Variants in DOCK9 observed in about 807,000 individuals in gnomAD.
The protein encoded by DOCK9 is dedicator of cytokinesis protein 9.
A neutral mutation model predicts 263.3 loss-of-function variants in DOCK9; 89 were observed. The ratio of observed to expected loss-of-function variants is 0.34; its 90% CI spans 0.28 to 0.40. The LOEUF (loss-of-function observed/expected upper bound fraction) is 0.40. DOCK9 is among the 10% of genes least tolerant of loss of function. The pLI is 1.00. For missense variants in DOCK9, 2,140 were observed against 2,603.4 expected (o/e 0.82, Z 3.87); for synonymous variants, 976 against 973.1 (o/e 1.00, Z -0.06).
Position 98,863,478 on chromosome 13 carries a change from C to T in DOCK9, c.3357G>A (p.Arg1119=). 1 of 1,613,962 alleles carries T rather than the reference C, an allele frequency of 6.2e-7. No homozygotes were observed. The highest frequency in any genetic ancestry group is 1.3e-5 in the African/African-American group (1 of 75,038). ...ACTCCTGGAGGGCTGTCCCCACCTC[C>T]CTCAGTAACAGTCCCACCAAGAAGT... The part of the protein sequence containing the change: ...RNHFLVGLLL[R]EVGTALQEFR... Residue 1119 remains arginine, a synonymous_variant, in exon 31 of 53, where the codon AGG becomes AGA. Transcript: ENST00000682017.
intron 1 of DOCK9, among the ~76,000 whole-genome samples, chr13:99,051,207 G>A (rs1171944854): frequency 6.6e-6 from 1 of 152,226 alleles, no homozygotes; most frequent in African/African-American, 2.4e-5. Context: ...CCTCTGGCAT[G>A]TTCTTTGCCT....
Position 98,863,448 on chromosome 13 carries a change from C to T in DOCK9, c.3387G>A (p.Arg1129=). The change falls in exon 31 of 53, where the codon CGG becomes CGA. Residue 1129 remains arginine, a synonymous_variant. Transcript: ENST00000682017. ...REVGTALQEF[R]EVRLIAISVL... ...CACTGATGGCGATCAGACGGACCTC[C>T]CGGAACTCCTGGAGGGCTGTCCCCA... is the stretch of plus-strand genomic sequence containing the variant. 6.2e-7 allele frequency: 1 copy of T among 1,613,906 alleles called. No individual in the cohort carries two copies. The highest frequency in any genetic ancestry group is 8.5e-7 in the Non-Finnish European group (1 of 1,179,876).
chr13:98,828,188 C>T (rs2140873117), intron 43 of DOCK9, among the ~76,000 whole-genome samples: 1 of 152,370 alleles, frequency 6.6e-6, no homozygotes, highest in East Asian at 1.9e-4. Flanking sequence ...AGATGTGGCC[C>T]TGCTGCCACT....
chr13:98,874,485 C>CGA (rs899895797), intron 27 of DOCK9, among the ~76,000 whole-genome samples: 5 of 152,170 alleles, frequency 3.3e-5, no homozygotes, highest in African/African-American at 1.2e-4. Flanking sequence ...ATACATCTTT[C>CGA]ATTTCTCTTC....
intron 27 of DOCK9, among the ~76,000 whole-genome samples, chr13:98,870,968 A>C (rs2094170694): frequency 6.6e-6 from 1 of 152,138 alleles, no homozygotes; most frequent in South Asian, 2.1e-4. Context: ...TCAGAAACAC[A>C]GCAACTAAAT....
chr13:98,921,238 C>A, intron 6 of DOCK9, 150 bp from the exon 7 acceptor site: 1 of 747,880 alleles, frequency 1.3e-6, no homozygotes, highest in South Asian at 2.2e-5. Context: ...GTCAAGACTC[C>A]CCATCCCATC....
chr13:98,871,993 C>G (rs1170278231), intron 27 of DOCK9: 1 of 152,728 alleles, frequency 6.5e-6, no homozygotes, highest in Non-Finnish European at 1.5e-5. Context: ...GTGGAGGCCC[C>G]TGTGGACGCT....
At chr13:98,810,113 A>G in intron 46 of DOCK9, 56 bp downstream of exon 46, 2 of 1,608,758 alleles carry the variant, frequency 1.2e-6, no homozygotes, top group African/African-American at 1.3e-5. Flanking sequence ...AGGTCTGGGT[A>G]TATGTCACAG....
intron 10 of DOCK9, 85 bp downstream of exon 10, chr13:98,904,547 A>G: frequency 9.2e-7 from 1 of 1,085,100 alleles, no homozygotes; most frequent in Non-Finnish European, 1.3e-6. Context: ...AAAATAAACA[A>G]AGCAAACAAA....
At chr13:98,798,768 G>C (rs1424147891) in intron 50 of DOCK9, among the ~76,000 whole-genome samples, 2 of 152,190 alleles carry the variant, frequency 1.3e-5, no homozygotes, top group Non-Finnish European at 2.9e-5. Context: ...CTGCAACTTT[G>C]TTGTTACTTT....
upstream of DOCK9, among the ~76,000 whole-genome samples, chr13:98,980,295 C>T (rs912104425): frequency 6.6e-6 from 1 of 152,260 alleles, no homozygotes; most frequent in African/African-American, 2.4e-5. Flanking sequence ...TGGCCCATGC[C>T]TGTTCAAGCC....
At chr13:99,067,945 G>A (rs1159410814) in intron 1 of DOCK9, among the ~76,000 whole-genome samples, 5 of 151,172 alleles carry the variant, frequency 3.3e-5, no homozygotes, top group African/African-American at 9.8e-5. Flanking sequence ...AATTCTGGGA[G>A]CTATTCTGAA....
At position 98,997,779 on chromosome 13, in the gene DOCK9, G is replaced by C. The variant is rs148159990; in HGVS notation, c.130-42228C>G. ...TCACCCCCTGACTTTGTGCATCTTT[G>C]TTATACAATAGAAAACATTTCCATG... is the stretch of plus-strand genomic sequence containing the variant. On this transcript the variant is annotated intron_variant, in intron 1 of 32. Coordinates refer to the DOCK9 transcript ENST00000427887. Among the ~76,000 whole-genome samples the C allele has an allele frequency of 9.7e-4, 147 of 152,314 alleles. 2 individuals carry two copies. The highest frequency in any genetic ancestry group is 3.5e-3 in the African/African-American group (145 of 41,568).
At position 98,810,340 on chromosome 13, in the gene DOCK9, G is replaced by A. The variant is rs375736223; in HGVS notation, c.5131-49C>T. On this transcript the variant is annotated intron_variant, in intron 45 of 52. Transcript: ENST00000682017. ...GCAAGAGAAGAGCGTTATGGGGAAC[G>A]TGACATGGCACCCGTTGCAGAATGC... 4.4e-6 allele frequency: 7 copies of A among 1,600,642 alleles called. No homozygotes were observed. The African/African-American group carries it at 9.4e-5, about 21-fold the overall frequency.
At chr13:99,052,977 A>G (rs9517570) in intron 1 of DOCK9, among the ~76,000 whole-genome samples, 41,947 of 152,016 alleles carry the variant, frequency 0.28, 6,153 homozygotes, top group East Asian at 0.43. Flanking sequence ...TTCTAATGGT[A>G]GGTTTTTCAG....
intron 38 of DOCK9, among the ~76,000 whole-genome samples, chr13:98,842,860 G>A (rs1463942840): frequency 6.6e-6 from 1 of 152,124 alleles, no homozygotes; most frequent in Non-Finnish European, 1.5e-5. Context: ...GTCTTTTAAG[G>A]GTGTTTTTCA....
chr13:98,939,313 G>C (rs1018736931), intron 2 of DOCK9, among the ~76,000 whole-genome samples: 1 of 152,168 alleles, frequency 6.6e-6, no homozygotes, highest in Non-Finnish European at 1.5e-5. Flanking sequence ...TCAGAGAGAA[G>C]AAGGCCCGGG....
At chr13:98,850,702 A>G (rs1172797292) in intron 35 of DOCK9, among the ~76,000 whole-genome samples, 3 of 152,202 alleles carry the variant, frequency 2.0e-5, no homozygotes, top group Admixed American at 6.5e-5. Context: ...TTATGTTTCA[A>G]TGAACATCCT....
chr13:98,936,040 G>A (rs545541722), intron 2 of DOCK9, among the ~76,000 whole-genome samples: 2 of 152,254 alleles, frequency 1.3e-5, no homozygotes, highest in Admixed American at 1.3e-4. Context: ...AGTTCTCAAT[G>A]CATATTAATA....
Sources: allele counts gnomAD v4.1 joint callset (sites outside exome capture counted in the v4.1 genomes callset), GRCh38; gene constraint gnomAD v4.1.1; transcripts MANE v1.5; gene names NCBI Gene and HGNC (gene_info 2026-07-23, HGNC 2026-07-21).